The following TBL1XR1 variants were observed in gnomAD, a reference collection of about 807,000 sequenced individuals.
The protein encoded by TBL1XR1 is TBL1X/Y related 1.
In TBL1XR1, 5 loss-of-function variants were observed where a neutral mutation model predicts 66.9. That is an observed-to-expected ratio of 0.07 (90% CI 0.04 to 0.16). TBL1XR1 has a LOEUF of 0.16. Among genes scored for constraint, TBL1XR1 ranks in the 10% least tolerant of loss-of-function variants. The pLI, the probability that TBL1XR1 is intolerant of heterozygous loss-of-function variation, is 1.00. For synonymous variants in TBL1XR1, 210 were observed against 206.0 expected (o/e 1.02, Z -0.17); for missense variants, 238 against 623.2 (o/e 0.38, Z 6.58).
chr3:177,159,155 TAA>T (rs918873493), intron 1 of TBL1XR1, among the ~76,000 whole-genome samples: 6 of 143,474 alleles, frequency 4.2e-5, no homozygotes, highest in Admixed American at 7.0e-5. Flanking sequence ...TCTCAATGGG[TAA>T]AAAAAAAAAG....
intron 1 of TBL1XR1, among the ~76,000 whole-genome samples, chr3:177,180,374 C>T (rs1393743567): frequency 1.5e-3 from 10 of 6,798 alleles, no homozygotes; most frequent in African/African-American, 9.5e-3. Flanking sequence ...ACGTTCATTC[C>T]CCCCCCCCCC....
chr3:177,139,813 A>C (rs1362689750), intron 1 of TBL1XR1, among the ~76,000 whole-genome samples: 6 of 152,208 alleles, frequency 3.9e-5, no homozygotes, highest in Non-Finnish European at 8.8e-5. Flanking sequence ...CAGTTGTCAA[A>C]CTGAAAACAC....
intron 15 of TBL1XR1, chr3:177,026,151 C>T (rs1488417846): frequency 1.9e-6 from 1 of 515,656 alleles, no homozygotes; most frequent in Non-Finnish European, 3.3e-6. Context: ...AAATAACTGT[C>T]CATTTCTAGA....
intron 2 of TBL1XR1, among the ~76,000 whole-genome samples, chr3:177,096,351 C>CACACACACTT (rs1560170406): frequency 1.3e-5 from 2 of 152,050 alleles, no homozygotes; most frequent in Non-Finnish European, 1.5e-5. Context: ...CACACACACA[C>CACACACACTT]ACTTAAATTT....
chr3:177,032,287 C>T (rs1714112327), intron 14 of TBL1XR1: 1 of 152,094 alleles, frequency 6.6e-6, no homozygotes, highest in Admixed American at 6.5e-5. Flanking sequence ...ATTTAAAAAT[C>T]TTCAAAGTAA....
At chr3:177,135,335 A>G (rs60041412) in intron 1 of TBL1XR1, among the ~76,000 whole-genome samples, 7,615 of 32,476 alleles carry the variant, frequency 0.23, 663 homozygotes, top group Admixed American at 0.37. Flanking sequence ...GTGTGTGTGT[A>G]TACATATATA....
chr3:177,124,147 A>G (rs1171482993), intron 1 of TBL1XR1, among the ~76,000 whole-genome samples: 1 of 151,782 alleles, frequency 6.6e-6, no homozygotes, highest in African/African-American at 2.4e-5. Context: ...ACATTAGCTA[A>G]TCAAAAACTG....
At chr3:177,172,657 G>A (rs998031863) in intron 1 of TBL1XR1, among the ~76,000 whole-genome samples, 10 of 124,228 alleles carry the variant, frequency 8.0e-5, no homozygotes, top group Non-Finnish European at 1.5e-4. Context: ...GAAAGAGAGA[G>A]AGAGAGAAGG....
chr3:177,201,184 G>A (rs549315337), upstream of TBL1XR1, among the ~76,000 whole-genome samples: 4 of 151,534 alleles, frequency 2.6e-5, no homozygotes, highest in Admixed American at 6.6e-5. Context: ...AGGCCGAGGC[G>A]GGCGGATCAC....
chr3:177,040,998 C>T lies in TBL1XR1; in HGVS notation c.926-2564G>A, dbSNP rs146984896. The T allele has an allele frequency of 2.2e-4, 34 of 152,294 alleles. No individual in the cohort carries two copies. The East Asian group carries it at 6.4e-3, about 29-fold the overall frequency. 9.4% of individuals were successfully genotyped at this position (152,294 alleles called of 1,614,324 possible). A position where few individuals can be genotyped will look rare whatever the true frequency, so the allele number is the denominator to read the frequency against. ...ACAAAGTGCCATATAAAATTATTAA[C>T]ATAAATTCACCTTTTATACAAAATT... On this transcript the variant is annotated intron_variant, in intron 10 of 15. Transcript: ENST00000457928.
intron 1 of TBL1XR1, among the ~76,000 whole-genome samples, chr3:177,190,064 CG>C (rs1243913850): frequency 7.4e-6 from 1 of 135,936 alleles, no homozygotes; most frequent in Non-Finnish European, 1.5e-5. Context: ...ACCCAGGAGA[CG>C]GAGGTTTCAG....
intron 9 of TBL1XR1, among the ~76,000 whole-genome samples, chr3:177,046,737 T>C (rs1426037596): frequency 6.6e-6 from 1 of 151,974 alleles, no homozygotes; most frequent in South Asian, 2.1e-4. Context: ...TATTGCTCTC[T>C]GAATTTTATA....
chr3:177,096,057 G>C (rs911084816), intron 2 of TBL1XR1, among the ~76,000 whole-genome samples: 1 of 152,148 alleles, frequency 6.6e-6, no homozygotes, highest in Non-Finnish European at 1.5e-5. Context: ...AGGGTAGGTA[G>C]GGAGGTAGTA....
intron 1 of TBL1XR1, among the ~76,000 whole-genome samples, chr3:177,176,400 T>C (rs1474476182): frequency 6.6e-6 from 1 of 151,672 alleles, no homozygotes; most frequent in Non-Finnish European, 1.5e-5. Flanking sequence ...TTTCACCATG[T>C]TGGCCAGGCT....
At chr3:177,162,739 C>T (rs925505977) in intron 1 of TBL1XR1, among the ~76,000 whole-genome samples, 1 of 152,076 alleles carries the variant, frequency 6.6e-6, no homozygotes, top group Admixed American at 6.5e-5. Flanking sequence ...ATGTAAATTA[C>T]AGCACAATAA....
chr3:177,175,267 G>A (rs1734023537), intron 1 of TBL1XR1, among the ~76,000 whole-genome samples: 1 of 152,060 alleles, frequency 6.6e-6, no homozygotes, highest in East Asian at 1.9e-4. Context: ...TGAAGAATTG[G>A]CTTTGACATT....
upstream of TBL1XR1, among the ~76,000 whole-genome samples, chr3:177,197,728 C>A (rs1157110793): frequency 1.4e-5 from 2 of 145,940 alleles, no homozygotes; most frequent in Non-Finnish European, 3.0e-5. Flanking sequence ...CTCCAGCGGC[C>A]GCGCTCCTCT....
chr3:177,064,468 A>G (rs1174803555), intron 3 of TBL1XR1, among the ~76,000 whole-genome samples: 1 of 152,230 alleles, frequency 6.6e-6, no homozygotes, highest in Non-Finnish European at 1.5e-5. Flanking sequence ...TTACAATAAT[A>G]ACAATTCAGA....
intron 1 of TBL1XR1, among the ~76,000 whole-genome samples, chr3:177,145,425 G>C (rs1338741449): frequency 1.3e-5 from 2 of 151,970 alleles, no homozygotes; most frequent in Non-Finnish European, 2.9e-5. Flanking sequence ...GGAATACAGA[G>C]ACCTGACAAG....
Sources: allele counts gnomAD v4.1 joint callset (sites outside exome capture counted in the v4.1 genomes callset), GRCh38; gene constraint gnomAD v4.1.1; transcripts MANE v1.5; gene names NCBI Gene and HGNC (gene_info 2026-07-23, HGNC 2026-07-21).